TEX2: variants seen among roughly 807,000 people sequenced by gnomAD.
TEX2 encodes the protein testis expressed 2.
A neutral mutation model predicts 106.9 loss-of-function variants in TEX2; 53 were observed. The observed-to-expected ratio is 0.50, with a 90% confidence interval of 0.40 to 0.62. The LOEUF (loss-of-function observed/expected upper bound fraction) is 0.62. Among genes scored for constraint, TEX2 ranks in the 20% least tolerant of loss-of-function variants. The pLI is 0.00. For synonymous variants in TEX2, 523 were observed against 534.8 expected, an observed-to-expected ratio of 0.98 and a Z score of 0.30; for missense variants, 1,207 against 1,379.0, an observed-to-expected ratio of 0.88 and a Z score of 1.98.
chr17:64,184,634 G>C (rs2032010212), intron 5 of TEX2, among the ~76,000 whole-genome samples: 1 of 152,144 alleles, frequency 6.6e-6, no homozygotes, highest in African/African-American at 2.4e-5. Context: ...TTCTTTGGTT[G>C]CTTATGCTTT....
chr17:64,186,981 G>A lies in TEX2; in HGVS notation c.2424+1187C>T, dbSNP rs1432725370. On this transcript the variant is annotated intron_variant, in intron 5 of 11. Transcript: ENST00000584379. ...AGCAAAATAGTCTCAGCGAGCCAAGGGGCCCCTGGGTTCTCAGGTGAGGTT... is the reference window on the plus strand; with the variant it reads ...AGCAAAATAGTCTCAGCGAGCCAAGAGGCCCCTGGGTTCTCAGGTGAGGTT... 3.3e-5 allele frequency among the ~76,000 whole-genome samples: 5 copies of A among 152,290 alleles called. No individual in the cohort carries two copies. In the South Asian group the frequency reaches 6.2e-4, roughly 19 times the overall value.
chr17:64,194,566 G>A (rs979705192), intron 3 of TEX2, among the ~76,000 whole-genome samples: 2 of 152,196 alleles, frequency 1.3e-5, no homozygotes, highest in Admixed American at 6.5e-5. Context: ...TTGTTTGACT[G>A]AAATAATTAG....
chr17:64,151,799 AAGG>A (rs1375692418), intron 10 of TEX2, among the ~76,000 whole-genome samples: 4 of 152,206 alleles, frequency 2.6e-5, no homozygotes, highest in South Asian at 4.1e-4. Flanking sequence ...AATTGGCAGT[AAGG>A]AGAAGAAATG....
At chr17:64,175,011 T>A (rs2031563758) in intron 6 of TEX2, among the ~76,000 whole-genome samples, 1 of 152,198 alleles carries the variant, frequency 6.6e-6, no homozygotes, top group Admixed American at 6.5e-5. Context: ...GGGAGATCTG[T>A]GTCACAGGGG....
intron 6 of TEX2, 101 bp downstream of exon 6, chr17:64,177,224 C>G: frequency 1.4e-6 from 2 of 1,424,108 alleles, no homozygotes; most frequent in Non-Finnish European, 1.9e-6. Context: ...ATATGTTATA[C>G]GTTTAAACCA....
At chr17:64,257,976 A>G (rs1185013049) in intron 1 of TEX2, among the ~76,000 whole-genome samples, 1 of 151,754 alleles carries the variant, frequency 6.6e-6, no homozygotes, top group Non-Finnish European at 1.5e-5. Flanking sequence ...CAATGGTGCA[A>G]TCTTGGCTCA....
chr17:64,205,344 C>T lies in TEX2; in HGVS notation c.1644+7230G>A, dbSNP rs1414515642. Among the ~76,000 whole-genome samples the T allele has an allele frequency of 2.0e-5, 3 of 152,118 alleles. No individual in the cohort carries two copies. The highest frequency in any genetic ancestry group is 7.2e-5 in the African/African-American group (3 of 41,416). ...AACATACAAACAAACAAACATCTCACCTGAAAACTATTCTACAAGGGGCAC... is the reference window on the plus strand; with the variant it reads ...AACATACAAACAAACAAACATCTCATCTGAAAACTATTCTACAAGGGGCAC... On this transcript the variant is annotated intron_variant, in intron 2 of 11. Transcript: ENST00000584379. The surrounding 1 kb of genome is among the most constrained non-coding windows in gnomAD (Gnocchi z 4.0).
chr17:64,163,505 T>C (rs2030980854), intron 7 of TEX2, among the ~76,000 whole-genome samples: 1 of 152,160 alleles, frequency 6.6e-6, no homozygotes, highest in Non-Finnish European at 1.5e-5. Flanking sequence ...CAAATGACTC[T>C]AATATGATGT....
intron 11 of TEX2, chr17:64,149,964 A>G (rs1436609006): frequency 1.3e-5 from 2 of 151,682 alleles, no homozygotes; most frequent in Non-Finnish European, 2.9e-5. Context: ...AATAAAAGGC[A>G]TGATGTTCTT....
rs782185076 is a variant in TEX2, at chr17:64,212,772, A to G, written c.1446T>C (p.Cys482=). The G allele has an allele frequency of 2.0e-5, 32 of 1,614,018 alleles. No individual in the cohort carries two copies. The highest frequency in any genetic ancestry group is 1.6e-4 in the Middle Eastern group (1 of 6,082). The part of the protein sequence containing the change: ...PVKTLGFFIM[C]VYVYLILPLP... ...GGGGGAGGATGAGGTACACATAGAC[A>G]CACATTATAAAGAAGCCCAACGTCT... Residue 482 remains cysteine, a synonymous_variant, in exon 2 of 12, where the codon TGT becomes TGC. Coordinates refer to ENST00000584379, the MANE Select transcript of TEX2 (RefSeq NM_001288732.2).
At chr17:64,174,213 G>A (rs1022901058) in intron 6 of TEX2, among the ~76,000 whole-genome samples, 3 of 152,286 alleles carry the variant, frequency 2.0e-5, no homozygotes, top group Admixed American at 2.0e-4. Context: ...GAGACAGCAG[G>A]AACATAACTG....
In TEX2 at chr17:64,203,991, G is replaced by A. The variant is rs907589192; in HGVS notation, c.1644+8583C>T. Reference sequence around the variant, plus strand: ...AGACAGTAATAGAATAGGAGATAACGTGGATTCAAATTAGAAAGGTAAAAT... The same window carrying A: ...AGACAGTAATAGAATAGGAGATAACATGGATTCAAATTAGAAAGGTAAAAT... On this transcript the variant is annotated intron_variant, in intron 2 of 11. Coordinates refer to ENST00000584379, the MANE Select transcript of TEX2 (RefSeq NM_001288732.2). Among the ~76,000 whole-genome samples, 6 of 152,216 alleles carry A rather than the reference G, an allele frequency of 3.9e-5. No homozygotes were observed. The East Asian group carries it at 7.7e-4, about 20-fold the overall frequency.
intron 7 of TEX2, among the ~76,000 whole-genome samples, chr17:64,168,329 C>T (rs78190734): frequency 1.3e-5 from 2 of 152,168 alleles, no homozygotes; most frequent in East Asian, 3.8e-4. Context: ...CTTTGAAAAC[C>T]CCACTGGCTT....
chr17:64,157,586 C>T (rs9303468), intron 8 of TEX2, among the ~76,000 whole-genome samples: 25,035 of 152,152 alleles, frequency 0.16, 3,022 homozygotes, highest in African/African-American at 0.33. Context: ...TAAATGAAGA[C>T]GCATAATTAA....
intron 1 of TEX2, among the ~76,000 whole-genome samples, chr17:64,246,461 G>C (rs2033990306): frequency 6.6e-6 from 1 of 152,064 alleles, no homozygotes; most frequent in South Asian, 2.1e-4. Context: ...TGGCCAGTCT[G>C]GTATCAAACT....
At chr17:64,166,292 AG>A (rs1360294734) in intron 7 of TEX2, among the ~76,000 whole-genome samples, 11 of 152,266 alleles carry the variant, frequency 7.2e-5, no homozygotes, top group Non-Finnish European at 1.3e-4. Flanking sequence ...CGAGGCGGGC[AG>A]GACTGCCATC....
intron 4 of TEX2, among the ~76,000 whole-genome samples, chr17:64,192,595 G>A (rs1273456142): frequency 1.3e-5 from 2 of 152,202 alleles, no homozygotes; most frequent in Non-Finnish European, 2.9e-5. Context: ...GCAGCCCTAG[G>A]AAATAAATAT....
intron 7 of TEX2, among the ~76,000 whole-genome samples, chr17:64,169,437 A>G (rs2031295972): frequency 6.6e-6 from 1 of 152,198 alleles, no homozygotes; most frequent in African/African-American, 2.4e-5. Context: ...AGTGAACCAG[A>G]AATTCCCAAA....
chr17:64,193,408 T>C, intron 4 of TEX2, 151 bp downstream of exon 4: 1 of 560,054 alleles, frequency 1.8e-6, no homozygotes, highest in Non-Finnish European at 2.9e-6. Context: ...GCCTAGATGG[T>C]AAATGAGTCA....
Sources: gnomAD v4.1 joint callset for allele counts (sites outside exome capture counted in the v4.1 genomes callset) on GRCh38, gnomAD v4.1.1 for gene constraint, Gnocchi (gnomAD v3.1) non-coding constraint, MANE v1.5 for transcripts, NCBI Gene and HGNC (gene_info 2026-07-23, HGNC 2026-07-21) for gene names.